The following MVB12B variants were observed in gnomAD, a reference collection of about 807,000 sequenced individuals.
MVB12B encodes multivesicular body subunit 12B.
MVB12B carries 16 observed loss-of-function variants against 41.6 expected under a neutral mutation model. The ratio of observed to expected loss-of-function variants is 0.38; its 90% CI spans 0.26 to 0.58. MVB12B has a LOEUF of 0.58. Among genes scored for constraint, MVB12B ranks in the 20% least tolerant of loss-of-function variants. The pLI is 0.62. For missense variants in MVB12B, 274 were observed against 380.2 expected, an observed-to-expected ratio of 0.72 and a Z score of 2.32; for synonymous variants, 133 against 139.7, an observed-to-expected ratio of 0.95 and a Z score of 0.34.
intron 2 of MVB12B, among the ~76,000 whole-genome samples, chr9:126,344,262 C>A (rs943682591): frequency 1.3e-5 from 2 of 152,136 alleles, no homozygotes; most frequent in African/African-American, 4.8e-5. Context: ...ATGATGGTTG[C>A]AAATAAATAA....
rs1248107142 is a variant in MVB12B at position 126,436,192 on chromosome 9, C to T, written c.757+14244C>T. Reference sequence around the variant, plus strand: ...TTTCTGGTTATTTTGCCAGGAGGCTCTCTCGTGTTCGGGCATTTGGGGTCC... The same window carrying T: ...TTTCTGGTTATTTTGCCAGGAGGCTTTCTCGTGTTCGGGCATTTGGGGTCC... On this transcript the variant is annotated intron_variant, in intron 7 of 9. Coordinates refer to ENST00000361171, the MANE Select transcript of MVB12B (RefSeq NM_033446.3). This position sits in a 1 kb window ranked among gnomAD's most constrained non-coding sequence, Gnocchi z 4.1. Among the ~76,000 whole-genome samples the T allele has an allele frequency of 1.3e-5, 2 of 152,218 alleles. No individual in the cohort carries two copies. The highest frequency in any genetic ancestry group is 4.8e-5 in the African/African-American group (2 of 41,466).
At position 126,468,584 on chromosome 9, in the gene MVB12B, C is replaced by T. The variant is rs1178538827; in HGVS notation, c.758-12785C>T. On this transcript the variant is annotated intron_variant, in intron 7 of 9. Coordinates refer to ENST00000361171, the MANE Select transcript of MVB12B (RefSeq NM_033446.3). The surrounding 1 kb of genome is among the most constrained non-coding windows in gnomAD (Gnocchi z 4.3). ...TTCTTCCATCTAAATGTCCCTTGGC[C>T]TTCCCCAGCCACTCCATTCTTACTG... Among the ~76,000 whole-genome samples, 1 of 152,232 alleles carries T rather than the reference C, an allele frequency of 6.6e-6. No individual in the cohort carries two copies. The highest frequency in any genetic ancestry group is 2.4e-5 in the African/African-American group (1 of 41,456).
intron 2 of MVB12B, among the ~76,000 whole-genome samples, chr9:126,364,045 T>C (rs997421854): frequency 6.6e-6 from 1 of 152,182 alleles, no homozygotes; most frequent in African/African-American, 2.4e-5. Flanking sequence ...GGTGCACACA[T>C]TCTCCACCAG....
Position 126,326,979 on chromosome 9 carries a change from AGCC to A in MVB12B, c.51_53del (p.Pro23del). 4.1e-6 allele frequency: 1 copy of A among 246,494 alleles called. No homozygotes were observed. Among genetic ancestry groups the A allele is most frequent in the Non-Finnish European group, 8.1e-6 (1 of 123,426 alleles). The allele number at this position is 246,494 out of a possible 1,614,324, so 15.3% of individuals were successfully genotyped here. ...CGGAGCCGGGACCCGCCGCCGCCGC[AGCC>A]ACCGCCGCCGCCGCCCCAGCGGGGA... On this transcript the variant is annotated inframe_deletion, in exon 1 of 10. Transcript: ENST00000361171.
rs540940161 is a variant in MVB12B, at chr9:126,340,724, G to A, written c.204+94G>A. 1.7e-5 allele frequency: 25 copies of A among 1,437,142 alleles called. No individual in the cohort carries two copies. The African/African-American group carries it at 3.1e-4, about 18-fold the overall frequency. 89.0% of individuals were successfully genotyped at this position (1,437,142 alleles called of 1,614,324 possible). On this transcript the variant is annotated intron_variant, in intron 2 of 9. Coordinates refer to ENST00000361171, the MANE Select transcript of MVB12B (RefSeq NM_033446.3). This position sits in a 1 kb window ranked among gnomAD's most constrained non-coding sequence, Gnocchi z 4.0. ...ACCTTCTGGCCCTTGCGTGTAAGAT[G>A]TGCTTCTTCCCTCTAGGAACTTAAT...
rs943729836 is a variant in MVB12B at position 126,395,994 on chromosome 9, C to T, written c.662+297C>T. The T allele has an allele frequency of 3.1e-5, 37 of 1,190,930 alleles. No homozygotes were observed. The highest frequency in any genetic ancestry group is 2.8e-4 in the African/African-American group (18 of 64,084). The allele number at this position is 1,190,930 out of a possible 1,614,324, so 73.8% of individuals were successfully genotyped here. On this transcript the variant is annotated intron_variant, in intron 6 of 9. Transcript: ENST00000361171. This position sits in a 1 kb window ranked among gnomAD's most constrained non-coding sequence, Gnocchi z 4.9. ...AAGAGCTGCTAGCTACACACAGACA[C>T]GTGCTGTATAGCCATGGGGTTGGGA... is the stretch of plus-strand genomic sequence containing the variant.
At chr9:126,394,031 C>T (rs1831034072) in intron 5 of MVB12B, among the ~76,000 whole-genome samples, 1 of 152,224 alleles carries the variant, frequency 6.6e-6, no homozygotes, top group South Asian at 2.1e-4. Context: ...AGTTTCACCT[C>T]GGTGGGTGTT....
At chr9:126,489,306 A>G (rs1337299457) in intron 9 of MVB12B, among the ~76,000 whole-genome samples, 4 of 152,112 alleles carry the variant, frequency 2.6e-5, no homozygotes, top group Admixed American at 6.5e-5. Context: ...AGGCCCCCTC[A>G]CCCCAAAGTG....
At chr9:126,382,344 A>G (rs1318359121) in intron 3 of MVB12B, among the ~76,000 whole-genome samples, 1 of 152,178 alleles carries the variant, frequency 6.6e-6, no homozygotes, top group Admixed American at 6.5e-5. Context: ...TATTCTGAAC[A>G]TATACAGGAC....
chr9:126,476,487 C>A (rs1356613527), intron 7 of MVB12B, among the ~76,000 whole-genome samples: 1 of 152,208 alleles, frequency 6.6e-6, no homozygotes. Context: ...TAAGGGAGGG[C>A]CTTGTCCTAA....
At chr9:126,442,792 A>C (rs2119142369) in intron 7 of MVB12B, among the ~76,000 whole-genome samples, 1 of 152,304 alleles carries the variant, frequency 6.6e-6, no homozygotes, top group East Asian at 1.9e-4. Flanking sequence ...CAGCCGGCCA[A>C]CATGAGTTGG....
chr9:126,347,569 T>C (rs1174470768), intron 2 of MVB12B, among the ~76,000 whole-genome samples: 1 of 152,172 alleles, frequency 6.6e-6, no homozygotes, highest in Non-Finnish European at 1.5e-5. Flanking sequence ...TCTGGGCCAG[T>C]GGGCTGGGTA....
At chr9:126,432,580 G>A (rs557515325) in intron 7 of MVB12B, among the ~76,000 whole-genome samples, 15 of 152,344 alleles carry the variant, frequency 9.8e-5, no homozygotes, top group African/African-American at 3.6e-4. Context: ...TACTTACCCT[G>A]TGTAAGGTAT....
chr9:126,398,082 G>A (rs1045490085), intron 6 of MVB12B, among the ~76,000 whole-genome samples: 40 of 152,020 alleles, frequency 2.6e-4, no homozygotes, highest in Admixed American at 1.8e-3. Context: ...TGGCTTCTGC[G>A]CCTTTGCTCC....
At chr9:126,443,386 G>A (rs565512200) in intron 7 of MVB12B, among the ~76,000 whole-genome samples, 1 of 152,130 alleles carries the variant, frequency 6.6e-6, no homozygotes, top group Non-Finnish European at 1.5e-5. Flanking sequence ...AGGGACTGAG[G>A]TTCCAACTGA....
Position 126,410,154 on chromosome 9 carries a change from TGTGTGTGTGTGTGTGTGTGC to T in MVB12B, c.663-11699_663-11680del, listed in dbSNP as rs1195130331. Among the ~76,000 whole-genome samples the T allele has an allele frequency of 2.7e-4, 41 of 151,700 alleles. 1 individual carries two copies. The highest frequency in any genetic ancestry group is 1.1e-3 in the Admixed American group (17 of 15,242). On this transcript the variant is annotated intron_variant, in intron 6 of 9. Coordinates refer to ENST00000361171, the MANE Select transcript of MVB12B (RefSeq NM_033446.3). ...AGTGATTTGGTTTTGTGTGTGTGTG[TGTGTGTGTGTGTGTGTGTGC>T]ACGCATGCACGCGCATGCATGCATG...
chr9:126,453,579 A>G (rs1397807088), intron 7 of MVB12B, among the ~76,000 whole-genome samples: 1 of 152,194 alleles, frequency 6.6e-6, no homozygotes, highest in Non-Finnish European at 1.5e-5. Flanking sequence ...TGTTCATTAC[A>G]CAGGCTCAGC....
chr9:126,358,886 C>T (rs1829954663), intron 2 of MVB12B, among the ~76,000 whole-genome samples: 1 of 152,136 alleles, frequency 6.6e-6, no homozygotes, highest in Non-Finnish European at 1.5e-5. Flanking sequence ...AGGGGGAAAG[C>T]ATTCGGTGTT....
chr9:126,369,582 A>G (rs1588113962), intron 2 of MVB12B, among the ~76,000 whole-genome samples: 1 of 151,668 alleles, frequency 6.6e-6, no homozygotes, highest in South Asian at 2.1e-4. Context: ...ATGTTTTCAC[A>G]CTTTATATAG....
Sources: gnomAD v4.1 joint callset for allele counts (sites outside exome capture counted in the v4.1 genomes callset) on GRCh38, gnomAD v4.1.1 for gene constraint, Gnocchi (gnomAD v3.1) non-coding constraint, MANE v1.5 for transcripts, NCBI Gene and HGNC (gene_info 2026-07-23, HGNC 2026-07-21) for gene names.